MCF2L2: variants seen among roughly 807,000 people sequenced by gnomAD.
MCF2L2 encodes MCF.2 cell line derived transforming sequence-like 2, also known as probable guanine nucleotide exchange factor MCF2L2.
A neutral mutation model predicts 150.2 loss-of-function variants in MCF2L2; 102 were observed. That is an observed-to-expected ratio of 0.68 (90% CI 0.58 to 0.80). The LOEUF is 0.80. MCF2L2 is among the 30% of genes least tolerant of loss of function. MCF2L2 has a pLI of 0.00. For synonymous variants in MCF2L2, 465 were observed against 491.3 expected (o/e 0.95, Z 0.71); for missense variants, 1,256 against 1,372.8 (o/e 0.91, Z 1.34).
intron 5 of MCF2L2, among the ~76,000 whole-genome samples, chr3:183,336,391 CAT>C (rs1490264169): frequency 6.6e-6 from 1 of 151,962 alleles, no homozygotes; most frequent in Non-Finnish European, 1.5e-5. Flanking sequence ...TTCAACTAAA[CAT>C]AAAACATCCA....
chr3:183,259,159 A>G (rs902655281), intron 15 of MCF2L2, among the ~76,000 whole-genome samples: 1 of 152,242 alleles, frequency 6.6e-6, no homozygotes, highest in Non-Finnish European at 1.5e-5. Context: ...ACATAATGCA[A>G]CATTTCAAAT....
chr3:183,378,855 GAAA>G (rs751688351), intron 3 of MCF2L2: 2 of 129,842 alleles, frequency 1.5e-5, no homozygotes, highest in Non-Finnish European at 1.7e-5. Context: ...CCTCTCTGCT[GAAA>G]AAAAAAAAAA....
In MCF2L2 at chr3:183,323,291, G is replaced by A. The variant is rs143828868; in HGVS notation, c.547C>T (p.Arg183Trp). 5.5e-5 allele frequency: 89 copies of A among 1,613,666 alleles called. No individual in the cohort carries two copies. Among genetic ancestry groups the A allele is most frequent in the South Asian group, 1.6e-4 (15 of 91,058 alleles). Residue 183 changes from arginine to tryptophan, a missense_variant, in exon 6 of 30, where the codon CGG becomes TGG. By Grantham distance (101) the Arg-to-Trp change is moderately radical (BLOSUM62 -3). Transcript: ENST00000328913. ...TATTCCAAAGTCCCCCCTAATTCCC[G>A]GGTCAGTTGGCTTTTGTCGATGTAG... ...HGYIDKSQLTRELGGTLEYRH... is the reference protein window; with the variant it reads ...HGYIDKSQLTWELGGTLEYRH...
At chr3:183,294,918 G>A (rs181530296) in intron 13 of MCF2L2, among the ~76,000 whole-genome samples, 171 of 152,054 alleles carry the variant, frequency 1.1e-3, no homozygotes, top group African/African-American at 4.0e-3. Flanking sequence ...GTGAGCCACC[G>A]CGCCCAGCCT....
intron 11 of MCF2L2, chr3:183,299,297 A>G (rs1728719647): frequency 6.6e-6 from 1 of 152,240 alleles, no homozygotes; most frequent in Admixed American, 6.5e-5. Context: ...TCCCTGCACC[A>G]CCTGCACCAG....
rs755328063 is a variant in MCF2L2 at position 183,223,428 on chromosome 3, C to T, written c.2219G>A (p.Arg740His). 8.7e-6 allele frequency: 14 copies of T among 1,613,274 alleles called. No individual in the cohort carries two copies. Among genetic ancestry groups the T allele is most frequent in the Middle Eastern group, 1.6e-4 (1 of 6,084 alleles). The change falls in exon 20 of 30, where the codon CGC (arginine) becomes CAC (histidine). Residue 740 changes from arginine (R) to histidine (H), a missense_variant. Arg to His is a conservative substitution (Grantham distance 29, BLOSUM62 0). Transcript: ENST00000328913. Reference protein sequence around the residue: ...QDCAYFGVCQRQLDHNLPLFK... With the variant: ...QDCAYFGVCQHQLDHNLPLFK... ...AAGAGGGAGATTGTGATCCAGTTGGCGCTGGCATACCTTTAAAAGCCAAAT... is the reference window on the plus strand; with the variant it reads ...AAGAGGGAGATTGTGATCCAGTTGGTGCTGGCATACCTTTAAAAGCCAAAT...
chr3:183,322,359 G>A (rs1162338898), intron 6 of MCF2L2, among the ~76,000 whole-genome samples: 2 of 152,066 alleles, frequency 1.3e-5, no homozygotes, highest in Admixed American at 1.3e-4. Flanking sequence ...TCACACTTTG[G>A]GCCAGAGGAT....
At chr3:183,209,941 A>G (rs1439646271) in intron 22 of MCF2L2, among the ~76,000 whole-genome samples, 1 of 152,176 alleles carries the variant, frequency 6.6e-6, no homozygotes, top group East Asian at 1.9e-4. Context: ...CCCCTAAAAA[A>G]AAAAAAACTC....
intron 15 of MCF2L2, among the ~76,000 whole-genome samples, chr3:183,251,619 C>T (rs941526618): frequency 6.6e-6 from 1 of 152,154 alleles, no homozygotes; most frequent in South Asian, 2.1e-4. Context: ...TTCATGCTGG[C>T]CAAGTCAGCA....
chr3:183,201,003 T>A (rs1239031431), intron 25 of MCF2L2, among the ~76,000 whole-genome samples: 1 of 152,244 alleles, frequency 6.6e-6, no homozygotes, highest in African/African-American at 2.4e-5. Flanking sequence ...TTGGTACCAG[T>A]ACCATGCTGT....
intron 15 of MCF2L2, among the ~76,000 whole-genome samples, chr3:183,245,157 C>A (rs897404155): frequency 1.3e-5 from 2 of 152,166 alleles, no homozygotes; most frequent in African/African-American, 4.8e-5. Context: ...CTAATGGCCC[C>A]TGCTTTTCAC....
chr3:183,281,902 T>C (rs1295030504), intron 14 of MCF2L2, among the ~76,000 whole-genome samples: 1 of 150,336 alleles, frequency 6.7e-6, no homozygotes, highest in East Asian at 1.9e-4. Flanking sequence ...TCTTTTTTTT[T>C]TTTTTTTTTT....
intron 24 of MCF2L2, 21 bp downstream of exon 24, chr3:183,206,101 T>C: frequency 6.2e-7 from 1 of 1,608,706 alleles, no homozygotes; most frequent in South Asian, 1.1e-5. Context: ...AGGAGACCCA[T>C]GGGGAAGGCA....
intron 1 of MCF2L2, among the ~76,000 whole-genome samples, chr3:183,413,007 T>C (rs746030058): frequency 5.9e-5 from 9 of 152,254 alleles, no homozygotes; most frequent in African/African-American, 2.2e-4. Flanking sequence ...CTTTGTTCTA[T>C]TGATACATGT....
chr3:183,200,749 G>T (rs2108641882), intron 25 of MCF2L2, among the ~76,000 whole-genome samples: 1 of 152,158 alleles, frequency 6.6e-6, no homozygotes, highest in East Asian at 1.9e-4. Flanking sequence ...GGGTTTTTAT[G>T]GTTTTAGGTC....
At chr3:183,367,643 A>G (rs1712618179) in intron 3 of MCF2L2, among the ~76,000 whole-genome samples, 1 of 152,244 alleles carries the variant, frequency 6.6e-6, no homozygotes, top group Non-Finnish European at 1.5e-5. Flanking sequence ...GCAGAAGAAC[A>G]TGAAGGACAA....
Position 183,428,350 on chromosome 3 carries a change from G to A in MCF2L2, c.-373C>T, listed in dbSNP as rs1716279896. 1 of 270,804 alleles carries A rather than the reference G, an allele frequency of 3.7e-6. No homozygotes were observed. The highest frequency in any genetic ancestry group is 7.0e-6 in the Non-Finnish European group (1 of 142,790). 16.8% of individuals were successfully genotyped at this position (270,804 alleles called of 1,614,324 possible). A position where few individuals can be genotyped will look rare whatever the true frequency, so the allele number is the denominator to read the frequency against. On this transcript the variant is annotated 5_prime_UTR_variant, in exon 1 of 30. Transcript: ENST00000328913. The surrounding 1 kb of genome is among the most constrained non-coding windows in gnomAD (Gnocchi z 5.1). Reference sequence around the variant, plus strand: ...CGCCAGGTTTCCGGCGCCGCCTCCAGGGACTGTAGAGTGAGGGATGCTCCG... The same window carrying A: ...CGCCAGGTTTCCGGCGCCGCCTCCAAGGACTGTAGAGTGAGGGATGCTCCG...
At position 183,186,748 on chromosome 3, in the gene MCF2L2, G is replaced by C. The variant is rs1721708949; in HGVS notation, c.3016+6251C>G. 2.6e-5 allele frequency among the ~76,000 whole-genome samples: 4 copies of C among 152,076 alleles called. No homozygotes were observed. In the South Asian group the frequency reaches 8.3e-4, roughly 32 times the overall value. The stretch of plus-strand genomic sequence containing the variant: ...GTCTCAAAAGTTTTTGTGGAGATGG[G>C]GTCTTGCGATATTGCCCAGGCTGGT... On this transcript the variant is annotated intron_variant, in intron 27 of 29. Transcript: ENST00000328913.
rs139139759 is a variant in MCF2L2 at position 183,302,518 on chromosome 3, C to T, written c.1114-2322G>A. On this transcript the variant is annotated intron_variant, in intron 10 of 29. Transcript: ENST00000328913. ...TAGAGGAAAGAGGGGGTTCCATAGC[C>T]GGGGTGAGAGGAAAGCCCCTGGGTT... Among the ~76,000 whole-genome samples the T allele has an allele frequency of 6.9e-3, 1,045 of 152,066 alleles. 9 individuals carry two copies. The highest frequency in any genetic ancestry group is 0.024 in the African/African-American group (1,006 of 41,482).
Sources: gnomAD v4.1 joint callset for allele counts (sites outside exome capture counted in the v4.1 genomes callset) on GRCh38, gnomAD v4.1.1 for gene constraint, Gnocchi (gnomAD v3.1) non-coding constraint, MANE v1.5 for transcripts, NCBI Gene and HGNC (gene_info 2026-07-23, HGNC 2026-07-21) for gene names.